The following GPC5 variants were observed in gnomAD, a reference collection of about 807,000 sequenced individuals.
GPC5 encodes the protein glypican 5, also known as glypican-5.
In GPC5, 47 loss-of-function variants were observed where a neutral mutation model predicts 53.9. That is an observed-to-expected ratio of 0.87 (90% CI 0.69 to 1.11). GPC5 has a LOEUF of 1.11. Ranked by LOEUF, GPC5 falls within the 50% of genes most tolerant of loss-of-function variation. GPC5 has a pLI of 0.00. For synonymous variants in GPC5, 286 were observed against 263.3 expected, an observed-to-expected ratio of 1.09 and a Z score of -0.84; for missense variants, 748 against 713.1, an observed-to-expected ratio of 1.05 and a Z score of -0.56.
At chr13:92,675,888 A>G (rs1886922238) in intron 7 of GPC5, among the ~76,000 whole-genome samples, 1 of 152,160 alleles carries the variant, frequency 6.6e-6, no homozygotes, top group Admixed American at 6.6e-5. Flanking sequence ...GACTGCTGCC[A>G]TTCCCACATA....
intron 7 of GPC5, among the ~76,000 whole-genome samples, chr13:92,848,675 G>T (rs1418595367): frequency 2.0e-5 from 3 of 151,930 alleles, no homozygotes; most frequent in African/African-American, 7.2e-5. Flanking sequence ...ATCTTAAGCT[G>T]GGTGATGAAA....
At chr13:91,572,412 GTTT>G (rs1555326139) in intron 2 of GPC5, among the ~76,000 whole-genome samples, 4 of 151,968 alleles carry the variant, frequency 2.6e-5, no homozygotes, top group Admixed American at 1.3e-4. Flanking sequence ...AAGAAAAAAG[GTTT>G]ATTTGCTTCA....
intron 5 of GPC5, among the ~76,000 whole-genome samples, chr13:91,774,926 A>G (rs1233106895): frequency 6.6e-6 from 1 of 152,116 alleles, no homozygotes; most frequent in Non-Finnish European, 1.5e-5. Flanking sequence ...AAATCTCTTG[A>G]CCAAGCATCT....
In GPC5 at chr13:91,586,037, T is replaced by C. The variant is rs535219148; in HGVS notation, c.326-107150T>C. Among the ~76,000 whole-genome samples, 3 of 123,150 alleles carry C rather than the reference T, an allele frequency of 2.4e-5. No individual in the cohort carries two copies. The Admixed American group carries it at 3.3e-4, about 13-fold the overall frequency. 80.8% of individuals were successfully genotyped at this position (123,150 alleles called of 152,430 possible). On this transcript the variant is annotated intron_variant, in intron 2 of 7. Transcript: ENST00000377067. ...CACCCCACTGGTAAATTTGACTGGCTTTTTATAAAAAAATTTAAAAAAAGA... is the reference window on the plus strand; with the variant it reads ...CACCCCACTGGTAAATTTGACTGGCCTTTTATAAAAAAATTTAAAAAAAGA...
chr13:91,653,341 A>G (rs73609985), intron 2 of GPC5, among the ~76,000 whole-genome samples: 9,894 of 152,132 alleles, frequency 0.065, 1,092 homozygotes, highest in African/African-American at 0.23. Context: ...TGAACTCATG[A>G]ACATAGAGAG....
At chr13:91,823,308 G>A (rs2038524876) in intron 5 of GPC5, among the ~76,000 whole-genome samples, 1 of 152,074 alleles carries the variant, frequency 6.6e-6, no homozygotes, top group Admixed American at 6.5e-5. Context: ...AGATTCCATA[G>A]ATTTAGATGT....
chr13:91,602,372 C>G (rs1319766678), intron 2 of GPC5, among the ~76,000 whole-genome samples: 1 of 152,104 alleles, frequency 6.6e-6, no homozygotes, highest in African/African-American at 2.4e-5. Context: ...GCAATTAACC[C>G]AGTGATTAGA....
At chr13:92,327,911 T>C (rs1055305565) in intron 7 of GPC5, among the ~76,000 whole-genome samples, 3 of 152,180 alleles carry the variant, frequency 2.0e-5, no homozygotes, top group Admixed American at 6.6e-5. Context: ...GATGTTTCCA[T>C]CTTGTCTTCA....
intron 5 of GPC5, among the ~76,000 whole-genome samples, chr13:91,841,928 C>T (rs2038792473): frequency 6.6e-6 from 1 of 152,128 alleles, no homozygotes; most frequent in Non-Finnish European, 1.5e-5. Context: ...TTCACACTCT[C>T]CACAGCATCA....
chr13:91,978,238 A>G (rs2040325428), intron 6 of GPC5, among the ~76,000 whole-genome samples: 2 of 152,216 alleles, frequency 1.3e-5, no homozygotes, highest in South Asian at 4.1e-4. Flanking sequence ...CAACATCAGC[A>G]TGTTCGGATT....
At chr13:92,619,411 T>G (rs981041105) in intron 7 of GPC5, among the ~76,000 whole-genome samples, 3 of 151,990 alleles carry the variant, frequency 2.0e-5, no homozygotes, top group African/African-American at 7.2e-5. Flanking sequence ...AGCAATTTTA[T>G]GAAGTAACTC....
intron 2 of GPC5, among the ~76,000 whole-genome samples, chr13:91,527,520 C>T (rs2138639751): frequency 6.6e-6 from 1 of 152,328 alleles, no homozygotes; most frequent in Admixed American, 6.5e-5. Context: ...GCATTGAGTG[C>T]CTATGACTTT....
chr13:91,717,931 G>C (rs1016468565), intron 3 of GPC5, among the ~76,000 whole-genome samples: 5 of 152,128 alleles, frequency 3.3e-5, no homozygotes. Context: ...GAAGAGTAGA[G>C]AAAATATGGT....
intron 5 of GPC5, among the ~76,000 whole-genome samples, chr13:91,820,535 T>C (rs1295333148): frequency 2.6e-5 from 4 of 152,172 alleles, no homozygotes; most frequent in Non-Finnish European, 5.9e-5. Flanking sequence ...CGTCCATAAA[T>C]AAATTGGTCT....
chr13:92,386,668 T>C (rs1472621702), intron 7 of GPC5, among the ~76,000 whole-genome samples: 2 of 152,094 alleles, frequency 1.3e-5, no homozygotes, highest in African/African-American at 4.8e-5. Flanking sequence ...ACTTGCTGCA[T>C]ATTGTGGTAA....
intron 7 of GPC5, among the ~76,000 whole-genome samples, chr13:92,834,431 A>T (rs1314454324): frequency 6.6e-6 from 1 of 152,076 alleles, no homozygotes; most frequent in Non-Finnish European, 1.5e-5. Flanking sequence ...TGACTTCCAA[A>T]CTCATATTAA....
At chr13:92,173,235 G>A (rs756048677) in intron 7 of GPC5, among the ~76,000 whole-genome samples, 4 of 151,690 alleles carry the variant, frequency 2.6e-5, no homozygotes, top group Admixed American at 6.6e-5. Context: ...AACAGAGATC[G>A]GCCATTCTCA....
At chr13:92,281,531 T>A (rs566145629) in intron 7 of GPC5, among the ~76,000 whole-genome samples, 7 of 152,082 alleles carry the variant, frequency 4.6e-5, no homozygotes, top group African/African-American at 1.7e-4. Context: ...CACGGCTGGG[T>A]ACCCCTCTGA....
chr13:92,484,016 T>G (rs1473595447), intron 7 of GPC5, among the ~76,000 whole-genome samples: 1 of 152,110 alleles, frequency 6.6e-6, no homozygotes, highest in Non-Finnish European at 1.5e-5. Flanking sequence ...CATGCACAGG[T>G]GGTCATAACT....
Sources: allele counts gnomAD v4.1 joint callset (sites outside exome capture counted in the v4.1 genomes callset), GRCh38; gene constraint gnomAD v4.1.1; transcripts MANE v1.5; gene names NCBI Gene and HGNC (gene_info 2026-07-23, HGNC 2026-07-21).